Variants in DNAAF6 observed in about 807,000 individuals in gnomAD.
DNAAF6 encodes the protein PIH1 domain containing 3.
In DNAAF6, 3 loss-of-function variants were observed where a neutral mutation model predicts 13.7. That is an observed-to-expected ratio of 0.22 (90% confidence interval 0.10 to 0.56). DNAAF6 has a LOEUF of 0.56. DNAAF6 is among the 20% of genes least tolerant of loss of function. The probability of loss-of-function intolerance (pLI) is 0.92; values close to 1 mark genes in which losing one functional copy is unlikely to be tolerated. For synonymous variants in DNAAF6, 54 were observed against 49.2 expected (o/e 1.10, Z -0.41); for missense variants, 130 against 151.0 (o/e 0.86, Z 0.73).
intron 4 of DNAAF6, among the ~76,000 whole-genome samples, chrX:107,220,875 AGTTT>A (rs1355419460): frequency 1.8e-5 from 2 of 111,151 alleles, no homozygotes; most frequent in African/African-American, 6.5e-5. Flanking sequence ...AGAAGCAGTG[AGTTT>A]GTTTTTGTTT....
intron 1 of DNAAF6, among the ~76,000 whole-genome samples, chrX:107,211,501 A>G (rs1327854998): frequency 8.9e-6 from 1 of 112,147 alleles, no homozygotes; most frequent in Non-Finnish European, 1.9e-5. Flanking sequence ...TGGAAGTCCA[A>G]TTGTACTTTA....
intron 2 of DNAAF6, among the ~76,000 whole-genome samples, chrX:107,215,006 A>G (rs1274638857): frequency 9.0e-6 from 1 of 111,337 alleles, no homozygotes. Flanking sequence ...CTTCACAGAC[A>G]TTATAACGAG....
rs768372176 is a variant in DNAAF6 at position 107,229,127 on chromosome X, C to CTTTTTTTTTT, written c.429+6305_429+6314dup. 8.3e-4 allele frequency among the ~76,000 whole-genome samples: 43 copies of CTTTTTTTTTT among 51,596 alleles called. 11 individuals are homozygous for CTTTTTTTTTT. Among genetic ancestry groups the CTTTTTTTTTT allele is most frequent in the African/African-American group, 3.6e-3 (32 of 9,006 alleles). The allele number at this position is 51,596 out of a possible 115,157, so 44.8% of individuals were successfully genotyped here. A position where few individuals can be genotyped will look rare whatever the true frequency, so the allele number is the denominator to read the frequency against. ...GCAGCATTCCACCCTGTTGACTACT[C>CTTTTTTTTTT]TTTTTTTTTTTTTTTTTTTTTTTTT... On this transcript the variant is annotated intron_variant, in intron 5 of 6. Coordinates refer to ENST00000372453, the MANE Select transcript of DNAAF6 (RefSeq NM_173494.2).
At chrX:107,230,892 A>G (rs1315537734) in intron 5 of DNAAF6, among the ~76,000 whole-genome samples, 1 of 111,631 alleles carries the variant, frequency 9.0e-6, no homozygotes, top group African/African-American at 3.3e-5. Flanking sequence ...ATCCTTCAAT[A>G]TGCCAAGTTA....
chrX:107,234,379 G>A (rs1249567791), intron 5 of DNAAF6, among the ~76,000 whole-genome samples: 2 of 111,667 alleles, frequency 1.8e-5, no homozygotes, highest in Non-Finnish European at 3.8e-5. Flanking sequence ...TTCTTCATGA[G>A]AGTTTTTATA....
chrX:107,239,061 T>C, intron 6 of DNAAF6, 54 bp downstream of exon 6: 3 of 1,120,077 alleles, frequency 2.7e-6, no homozygotes, highest in South Asian at 2.5e-5. Context: ...GAGTCTTCAG[T>C]CAATATTATT....
At chrX:107,229,127 CTTTTTTTTT>C (rs768372176) in intron 5 of DNAAF6, among the ~76,000 whole-genome samples, 5 of 51,595 alleles carry the variant, frequency 9.7e-5, no homozygotes, top group Admixed American at 2.7e-4. Context: ...GTTGACTACT[CTTTTTTTTT>C]TTTTTTTTTT....
chrX:107,223,577 C>T (rs1046365894), intron 5 of DNAAF6, among the ~76,000 whole-genome samples: 3 of 111,528 alleles, frequency 2.7e-5, no homozygotes, highest in Non-Finnish European at 1.9e-5. Context: ...ACAAGTAATT[C>T]TTGTGTTAAA....
At chrX:107,225,632 C>T (rs192293196) in intron 5 of DNAAF6, among the ~76,000 whole-genome samples, 1 of 111,294 alleles carries the variant, frequency 9.0e-6, no homozygotes, top group African/African-American at 3.3e-5. Context: ...AATCTGTTTA[C>T]GTACAAGAAG....
chrX:107,214,525 A>T (rs1927932088), intron 2 of DNAAF6, among the ~76,000 whole-genome samples: 1 of 110,993 alleles, frequency 9.0e-6, no homozygotes, highest in Admixed American at 9.6e-5. Context: ...AGGAGAAAAG[A>T]TGAGTGCTTA....
At chrX:107,223,682 T>C (rs1221212961) in intron 5 of DNAAF6, among the ~76,000 whole-genome samples, 1 of 111,556 alleles carries the variant, frequency 9.0e-6, no homozygotes, top group Non-Finnish European at 1.9e-5. Context: ...GGGAGATGTG[T>C]AATATTTTTT....
intron 3 of DNAAF6, among the ~76,000 whole-genome samples, chrX:107,217,151 G>T (rs887352124): frequency 1.8e-5 from 2 of 111,724 alleles, no homozygotes; most frequent in Non-Finnish European, 3.8e-5. Flanking sequence ...CTCTACCACT[G>T]CAGGTAAATA....
chrX:107,240,100 G>A (rs986283380), intron 6 of DNAAF6, among the ~76,000 whole-genome samples: 5 of 111,710 alleles, frequency 4.5e-5, no homozygotes, highest in Admixed American at 9.5e-5. Context: ...CTGTAATGAC[G>A]GCACAGCCAT....
intron 4 of DNAAF6, among the ~76,000 whole-genome samples, 181 bp from the exon 5 acceptor site, chrX:107,222,564 C>T (rs1478812147): frequency 9.0e-6 from 1 of 111,549 alleles, no homozygotes; most frequent in Non-Finnish European, 1.9e-5. Context: ...TTTATTTTGA[C>T]CACATTTCTA....
chrX:107,216,613 G>A (rs1035238860), intron 2 of DNAAF6, 58 bp from the exon 3 acceptor site: 2 of 809,122 alleles, frequency 2.5e-6, no homozygotes, highest in Non-Finnish European at 3.5e-6. Context: ...AGTATCACTA[G>A]TCATATAGGT....
intron 5 of DNAAF6, 34 bp from the exon 6 acceptor site, chrX:107,238,888 A>G: frequency 8.3e-7 from 1 of 1,204,140 alleles, no homozygotes; most frequent in Non-Finnish European, 1.1e-6. Context: ...GCTCTCCAAG[A>G]TATCACTATT....
At chrX:107,233,922 G>A (rs779347116) in intron 5 of DNAAF6, among the ~76,000 whole-genome samples, 21 of 111,963 alleles carry the variant, frequency 1.9e-4, no homozygotes, top group African/African-American at 6.2e-4. Context: ...TATGTGATAA[G>A]GAATGATTTG....
At position 107,222,189 on chromosome X, in the gene DNAAF6, G is replaced by A. The variant is rs1171951531; in HGVS notation, c.333-556G>A. Among the ~76,000 whole-genome samples, 3 of 111,072 alleles carry A rather than the reference G, an allele frequency of 2.7e-5. No homozygotes were observed. The East Asian group carries it at 8.4e-4, about 31-fold the overall frequency. ...GTGTTTCTATTGTAGAATTTTAGCC[G>A]TGGAGATCATTCAGTTCAAACTCAC... On this transcript the variant is annotated intron_variant, in intron 4 of 6. Transcript: ENST00000372453.
chrX:107,233,255 T>C (rs1214304924), intron 5 of DNAAF6, among the ~76,000 whole-genome samples: 1 of 111,746 alleles, frequency 8.9e-6, no homozygotes, highest in Non-Finnish European at 1.9e-5. Context: ...CAACATGATG[T>C]TTTGATATAC....
Sources: gnomAD v4.1 joint callset for allele counts (sites outside exome capture counted in the v4.1 genomes callset) on GRCh38, gnomAD v4.1.1 for gene constraint, MANE v1.5 for transcripts, NCBI Gene and HGNC (gene_info 2026-07-23, HGNC 2026-07-21) for gene names.